Variants in IL1RAPL2 observed in about 807,000 individuals in gnomAD.
IL1RAPL2 encodes the protein X-linked interleukin-1 receptor accessory protein-like 2.
In IL1RAPL2, 3 loss-of-function variants were observed where a neutral mutation model predicts 44.1. The ratio of observed to expected loss-of-function variants is 0.07; its 90% CI spans 0.03 to 0.18. The LOEUF (loss-of-function observed/expected upper bound fraction) is 0.18. Among genes scored for constraint, IL1RAPL2 ranks in the 10% least tolerant of loss-of-function variants. The pLI, the probability that IL1RAPL2 is intolerant of heterozygous loss-of-function variation, is 1.00. For synonymous variants in IL1RAPL2, 181 were observed against 178.8 expected (o/e 1.01, Z -0.10); for missense variants, 391 against 496.4 (o/e 0.79, Z 2.02).
chrX:104,998,505 G>T (rs1014185050), intron 2 of IL1RAPL2, among the ~76,000 whole-genome samples: 2 of 111,754 alleles, frequency 1.8e-5, no homozygotes, highest in African/African-American at 6.5e-5. Flanking sequence ...CAGTCTCAGT[G>T]GCTCATGCCT....
At chrX:104,809,886 C>T (rs1195336709) in intron 2 of IL1RAPL2, among the ~76,000 whole-genome samples, 1 of 110,998 alleles carries the variant, frequency 9.0e-6, no homozygotes, top group Non-Finnish European at 1.9e-5. Context: ...ACTAGAAATA[C>T]CATTTGACCC....
intron 5 of IL1RAPL2, among the ~76,000 whole-genome samples, chrX:105,387,956 G>A (rs961971202): frequency 2.1e-4 from 22 of 105,846 alleles, no homozygotes; most frequent in African/African-American, 7.5e-4. Flanking sequence ...CGAGACCAGC[G>A]TGACCAACAT....
intron 2 of IL1RAPL2, among the ~76,000 whole-genome samples, chrX:105,182,195 T>A (rs1446517816): frequency 2.7e-5 from 3 of 111,976 alleles, no homozygotes; most frequent in Admixed American, 9.4e-5. Context: ...TGTTGATATT[T>A]TGGTCTAGAT....
chrX:104,638,742 TA>T (rs1156784231), intron 1 of IL1RAPL2, among the ~76,000 whole-genome samples: 1 of 112,358 alleles, frequency 8.9e-6, no homozygotes, highest in African/African-American at 3.2e-5. Context: ...ATTTCACTTT[TA>T]AAAACAATAT....
rs1932757382 is a variant in IL1RAPL2 at position 104,779,232 on chromosome X, G to T, written c.82+120237G>T. Among the ~76,000 whole-genome samples the T allele has an allele frequency of 4.5e-5, 5 of 112,244 alleles. No individual in the cohort carries two copies. In the South Asian group the frequency reaches 1.8e-3, roughly 41 times the overall value. ...TGAAGATGAGGAAGAAAATTATAGG[G>T]AGGCTTTAAGTGTTCCTAGCTTTCA... On this transcript the variant is annotated intron_variant, in intron 2 of 10. Coordinates refer to ENST00000372582, the MANE Select transcript of IL1RAPL2 (RefSeq NM_017416.2).
At chrX:105,263,000 C>G in intron 4 of IL1RAPL2, among the ~76,000 whole-genome samples, 2 of 110,330 alleles carry the variant, frequency 1.8e-5, no homozygotes, top group South Asian at 7.9e-4. Context: ...ATTCTCCTGC[C>G]TCAGCCTCCC....
In IL1RAPL2 at chrX:104,683,899, C is replaced by T. The variant is rs188187623; in HGVS notation, c.82+24904C>T. ...GACTATATGGAGTTCTATTAATAGA[C>T]CCTCCACCTCACCTACTTTTCCTTC... On this transcript the variant is annotated intron_variant, in intron 2 of 10. Transcript: ENST00000372582. Among the ~76,000 whole-genome samples, 138 of 111,897 alleles carry T rather than the reference C, an allele frequency of 1.2e-3. 1 individual carries two copies. Among genetic ancestry groups the T allele is most frequent in the African/African-American group, 4.2e-3 (128 of 30,781 alleles).
rs1928530475 is a variant in IL1RAPL2 at position 104,585,361 on chromosome X, T to TATATTATATAA, written c.-20+18310_-20+18311insATATTATATAA. On this transcript the variant is annotated intron_variant, in intron 1 of 10. Transcript: ENST00000372582. Reference sequence around the variant, plus strand: ...TTATATATTATATATATTATATATATTATATATATTATATATAATATATAT... The same window carrying TATATTATATAA: ...TTATATATTATATATATTATATATATATATTATATAATATATATATTATATATAATATATAT... Among the ~76,000 whole-genome samples the TATATTATATAA allele has an allele frequency of 4.8e-4, 8 of 16,560 alleles. No individual in the cohort carries two copies. In the African/African-American group the frequency reaches 5.2e-3, roughly 11 times the overall value. The allele number at this position is 16,560 out of a possible 115,157, so 14.4% of individuals were successfully genotyped here.
In IL1RAPL2 at chrX:104,627,427, A is replaced by G. The variant is rs190264884; in HGVS notation, c.-19-31468A>G. On this transcript the variant is annotated intron_variant, in intron 1 of 10. Transcript: ENST00000372582. ...CAGCACACCAACATGGCACATGTAT[A>G]CATATGTAACAAACCTGCACATTGT... 2.7e-3 allele frequency among the ~76,000 whole-genome samples: 290 copies of G among 108,932 alleles called. 1 individual carries two copies. Among genetic ancestry groups the G allele is most frequent in the African/African-American group, 9.4e-3 (280 of 29,923 alleles). The allele number at this position is 108,932 out of a possible 115,157, so 94.6% of individuals were successfully genotyped here.
At position 104,627,105 on chromosome X, in the gene IL1RAPL2, C is replaced by T. The variant is rs752516392; in HGVS notation, c.-19-31790C>T. On this transcript the variant is annotated intron_variant, in intron 1 of 10. Coordinates refer to ENST00000372582, the MANE Select transcript of IL1RAPL2 (RefSeq NM_017416.2). ...GTGCTGGGATTACAGGCATGAGCCA[C>T]CAGGATATCTTTGCTCAACTGGGTT... 5.4e-5 allele frequency among the ~76,000 whole-genome samples: 6 copies of T among 110,249 alleles called. No homozygotes were observed. The East Asian group carries it at 1.4e-3, about 26-fold the overall frequency.
At chrX:105,722,438 A>AT (rs1375187546) in intron 7 of IL1RAPL2, among the ~76,000 whole-genome samples, 2 of 111,524 alleles carry the variant, frequency 1.8e-5, no homozygotes, top group East Asian at 5.7e-4. Context: ...CTAGCCTCCA[A>AT]AGTCCTTGAA....
At chrX:104,900,358 T>C (rs969934620) in intron 2 of IL1RAPL2, among the ~76,000 whole-genome samples, 1 of 111,496 alleles carries the variant, frequency 9.0e-6, no homozygotes, top group Non-Finnish European at 1.9e-5. Flanking sequence ...TTAAATAGTT[T>C]TTTTAATCTC....
chrX:105,221,337 A>T (rs1556181799), intron 3 of IL1RAPL2, among the ~76,000 whole-genome samples: 1 of 109,540 alleles, frequency 9.1e-6, no homozygotes, highest in African/African-American at 3.3e-5. Context: ...TGTTCATGAT[A>T]TGACTCCCCC....
intron 6 of IL1RAPL2, among the ~76,000 whole-genome samples, chrX:105,532,116 T>C (rs138663965): frequency 0.015 from 1,628 of 112,194 alleles, 22 homozygotes; most frequent in African/African-American, 0.05. Context: ...TGGCTCATTT[T>C]AGTGGAAAAC....
intron 5 of IL1RAPL2, among the ~76,000 whole-genome samples, chrX:105,462,724 C>G (rs956962716): frequency 9.0e-6 from 1 of 110,835 alleles, no homozygotes; most frequent in African/African-American, 3.3e-5. Context: ...GAAAGGCAAC[C>G]CAGTTGTTTT....
At chrX:105,683,792 C>A (rs915537229) in intron 6 of IL1RAPL2, among the ~76,000 whole-genome samples, 6 of 112,236 alleles carry the variant, frequency 5.3e-5, no homozygotes, top group African/African-American at 1.9e-4. Context: ...GCAGTGCATC[C>A]TTGCAATCTA....
intron 6 of IL1RAPL2, among the ~76,000 whole-genome samples, chrX:105,559,325 A>G (rs1198772071): frequency 8.9e-6 from 1 of 112,305 alleles, no homozygotes; most frequent in Non-Finnish European, 1.9e-5. Flanking sequence ...ACAAAAACAT[A>G]CAATAAAATA....
At chrX:105,481,160 C>T (rs751352259) in intron 5 of IL1RAPL2, among the ~76,000 whole-genome samples, 1 of 112,245 alleles carries the variant, frequency 8.9e-6, no homozygotes, top group Non-Finnish European at 1.9e-5. Context: ...AAACCACTGA[C>T]TCAGTACTGA....
rs1450733524 is a variant in IL1RAPL2, at chrX:104,582,652, C to CTT, written c.-20+15603_-20+15604dup. ...TCTTTCTTTCTTTCTCTCTTTCTTT[C>CTT]TTTCTTTTTTTTCTTTTTTCTTTCT... On this transcript the variant is annotated intron_variant, in intron 1 of 10. Transcript: ENST00000372582. Among the ~76,000 whole-genome samples the CTT allele has an allele frequency of 4.1e-3, 228 of 56,122 alleles. 4 individuals are homozygous for CTT. The highest frequency in any genetic ancestry group is 0.015 in the African/African-American group (218 of 14,402). 48.7% of individuals were successfully genotyped at this position (56,122 alleles called of 115,157 possible).
Sources: allele counts gnomAD v4.1 joint callset (sites outside exome capture counted in the v4.1 genomes callset), GRCh38; gene constraint gnomAD v4.1.1; transcripts MANE v1.5; gene names NCBI Gene and HGNC (gene_info 2026-07-23, HGNC 2026-07-21).